The following TERT variants were observed in gnomAD, a reference collection of about 807,000 sequenced individuals.
TERT encodes the protein telomerase catalytic subunit.
Under a neutral mutation model 104.0 loss-of-function variants are expected in TERT, and 42 were observed. The observed-to-expected ratio is 0.40, with a 90% confidence interval of 0.32 to 0.52. The LOEUF is 0.52. TERT is among the 20% of genes least tolerant of loss of function. TERT has a pLI of 0.43. For missense variants in TERT, 1,101 were observed against 1,610.3 expected (o/e 0.68, Z 5.41); for synonymous variants, 781 against 725.6 (o/e 1.08, Z -1.23).
chr5:1,259,250 G>A (rs1165427803), intron 12 of TERT, among the ~76,000 whole-genome samples: 1 of 139,334 alleles, frequency 7.2e-6, no homozygotes, highest in East Asian at 2.4e-4. Context: ...AGATGGAGTG[G>A]ATGCAGATGC....
chr5:1,253,574 C>G lies in TERT; in HGVS notation c.*154G>C, dbSNP rs142869901. 1.9e-5 allele frequency: 13 copies of G among 678,806 alleles called. No homozygotes were observed. The highest frequency in any genetic ancestry group is 3.1e-5 in the Non-Finnish European group (12 of 385,368). 42.0% of individuals were successfully genotyped at this position (678,806 alleles called of 1,614,324 possible). On this transcript the variant is annotated 3_prime_UTR_variant, in exon 16 of 16. Coordinates refer to ENST00000310581, the MANE Select transcript of TERT (RefSeq NM_198253.3). ...CTCAGCCGGACACTCAGCCTTCAGC[C>G]GGACATGCAGGCCTCGGCCAAACAC...
At position 1,268,781 on chromosome 5, in the gene TERT, A is replaced by G. The variant is rs1204053237; in HGVS notation, c.2469-148T>C. 1 of 619,468 alleles carries G rather than the reference A, an allele frequency of 1.6e-6. No homozygotes were observed. The highest frequency in any genetic ancestry group is 2.9e-6 in the Non-Finnish European group (1 of 340,082). The allele number at this position is 619,468 out of a possible 1,614,324, so 38.4% of individuals were successfully genotyped here. On this transcript the variant is annotated intron_variant, in intron 8 of 15. Transcript: ENST00000310581. This position sits in a 1 kb window ranked among gnomAD's most constrained non-coding sequence, Gnocchi z 5.5. ...GGCAAACACCTCAGAAACATACCAGATGAGACCTCTGAACAAACAATCCCT... is the reference window on the plus strand; with the variant it reads ...GGCAAACACCTCAGAAACATACCAGGTGAGACCTCTGAACAAACAATCCCT...
chr5:1,293,264 C>T (rs376586535), intron 2 of TERT, 49 bp downstream of exon 2: 44 of 1,606,422 alleles, frequency 2.7e-5, no homozygotes, highest in Non-Finnish European at 3.4e-6. Context: ...TGAGCCCCTA[C>T]TGCATTCAGC....
At chr5:1,264,814 C>G (rs1050483923) in intron 10 of TERT, among the ~76,000 whole-genome samples, 1 of 152,118 alleles carries the variant, frequency 6.6e-6, no homozygotes, top group Non-Finnish European at 1.5e-5. Flanking sequence ...CATGCAAGAA[C>G]CTGGCCTGGA....
chr5:1,260,352 G>A, intron 12 of TERT, 122 bp downstream of exon 12: 1 of 1,473,418 alleles, frequency 6.8e-7, no homozygotes, highest in Middle Eastern at 1.7e-4. Flanking sequence ...ATGCGTACAT[G>A]TGCACTCTTA....
rs1748833064 is a variant in TERT at position 1,269,021 on chromosome 5, C to A, written c.2469-388G>T. Among the ~76,000 whole-genome samples the A allele has an allele frequency of 6.6e-6, 1 of 151,882 alleles. No individual in the cohort carries two copies. The highest frequency in any genetic ancestry group is 6.6e-5 in the Admixed American group (1 of 15,260). ...TTGTCCACGGTGAAAGACTCATGAC[C>A]CTACATGTAGCCGCTGCGCGCCAAC... On this transcript the variant is annotated intron_variant, in intron 8 of 15. Coordinates refer to ENST00000310581, the MANE Select transcript of TERT (RefSeq NM_198253.3). The surrounding 1 kb of genome is among the most constrained non-coding windows in gnomAD (Gnocchi z 9.0).
chr5:1,277,904 G>A (rs896843312), intron 6 of TERT, among the ~76,000 whole-genome samples: 4 of 151,604 alleles, frequency 2.6e-5, no homozygotes, highest in East Asian at 3.8e-4. Flanking sequence ...CCCCTCCAGC[G>A]TGCTCATGAC....
intron 11 of TERT, among the ~76,000 whole-genome samples, chr5:1,260,903 A>C (rs919587171): frequency 1.3e-5 from 2 of 152,240 alleles, no homozygotes; most frequent in Non-Finnish European, 2.9e-5. Context: ...AACTCAGCCA[A>C]AAACACATAA....
chr5:1,268,603 C>T lies in TERT; in HGVS notation c.2499G>A (p.Gln833=). 6.2e-7 allele frequency: 1 copy of T among 1,613,158 alleles called. No homozygotes were observed. The highest frequency in any genetic ancestry group is 8.5e-7 in the Non-Finnish European group (1 of 1,179,894). Residue 833 remains glutamine, a synonymous_variant, in exon 9 of 16, where the codon CAG becomes CAA. Coordinates refer to ENST00000310581, the MANE Select transcript of TERT (RefSeq NM_198253.3). The surrounding 1 kb of genome is among the most constrained non-coding windows in gnomAD (Gnocchi z 5.5). ...KSYVQCQGIP[Q]GSILSTLLCS... ...AGAGCAGCGTGGAGAGGATGGAGCC[C>T]TGCGGGATCCCCTGGCACTGGACGT...
chr5:1,258,481 G>GT (rs1487113478), intron 13 of TERT, 117 bp downstream of exon 13: 2 of 919,154 alleles, frequency 2.2e-6, no homozygotes, highest in Admixed American at 2.0e-5. Context: ...CACTGAAAAC[G>GT]TAAGACATTC....
Position 1,270,274 on chromosome 5 carries a change from A to G in TERT, c.2468+845T>C, listed in dbSNP as rs35657226. On this transcript the variant is annotated intron_variant, in intron 8 of 15. Transcript: ENST00000310581. The surrounding 1 kb of genome is among the most constrained non-coding windows in gnomAD (Gnocchi z 8.3). ...CAATAATTAATAGTTATATTTTTAA[A>G]TAAAAGCTTCCGAAGCTGTGCACAG... Among the ~76,000 whole-genome samples the G allele has an allele frequency of 3.7e-3, 564 of 152,354 alleles. 3 individuals carry two copies. The highest frequency in any genetic ancestry group is 0.013 in the African/African-American group (540 of 41,582).
chr5:1,290,235 A>G (rs186321255), intron 2 of TERT, among the ~76,000 whole-genome samples: 3,978 of 24,472 alleles, frequency 0.16, 337 homozygotes, highest in Admixed American at 0.23. Context: ...CACTCACCCT[A>G]CACGTGACAG....
chr5:1,291,360 C>A (rs1286457393), intron 2 of TERT, among the ~76,000 whole-genome samples: 2 of 100,394 alleles, frequency 2.0e-5, no homozygotes, highest in Non-Finnish European at 4.0e-5. Context: ...CCGCGCCTCA[C>A]TCACCCTGCA....
intron 12 of TERT, 31 bp downstream of exon 12, chr5:1,260,443 T>C: frequency 6.2e-7 from 1 of 1,613,446 alleles, no homozygotes; most frequent in East Asian, 2.2e-5. Flanking sequence ...TCCTGAACTC[T>C]GAACTCTGTG....
chr5:1,285,259 G>A (rs1366600245), intron 2 of TERT, among the ~76,000 whole-genome samples: 8 of 141,464 alleles, frequency 5.7e-5, no homozygotes, highest in East Asian at 2.2e-4. Context: ...CATCCCAGAC[G>A]TGCACCATCC....
Position 1,265,990 on chromosome 5 carries a change from G to C in TERT, c.2654+474C>G, listed in dbSNP as rs1209779974. Among the ~76,000 whole-genome samples, 2 of 152,164 alleles carry C rather than the reference G, an allele frequency of 1.3e-5. No individual in the cohort carries two copies. Among genetic ancestry groups the C allele is most frequent in the Non-Finnish European group, 2.9e-5 (2 of 68,014 alleles). On this transcript the variant is annotated intron_variant, in intron 10 of 15. Coordinates refer to ENST00000310581, the MANE Select transcript of TERT (RefSeq NM_198253.3). This position sits in a 1 kb window ranked among gnomAD's most constrained non-coding sequence, Gnocchi z 6.9. ...CTCAGCAAATCCAAATTCTCCCACC[G>C]ATCCCAAACAACCCCACGCAGGAAC... is the stretch of plus-strand genomic sequence containing the variant.
At chr5:1,271,001 A>C in intron 8 of TERT, 118 bp downstream of exon 8, 1 of 807,484 alleles carries the variant, frequency 1.2e-6, no homozygotes. Context: ...CCAGAAAAGG[A>C]GACTCTGGTG....
intron 6 of TERT, among the ~76,000 whole-genome samples, chr5:1,275,289 G>C (rs1749475306): frequency 6.6e-6 from 1 of 151,502 alleles, no homozygotes. Flanking sequence ...CAAGAGAATT[G>C]CTTGAACTCA....
At chr5:1,282,093 A>AC (rs1750060566) in intron 3 of TERT, among the ~76,000 whole-genome samples, 1 of 149,686 alleles carries the variant, frequency 6.7e-6, no homozygotes, top group African/African-American at 2.6e-5. Context: ...ATCTCAAAAA[A>AC]GAAAAAAAAA....
Sources: gnomAD v4.1 joint callset for allele counts (sites outside exome capture counted in the v4.1 genomes callset) on GRCh38, gnomAD v4.1.1 for gene constraint, Gnocchi (gnomAD v3.1) non-coding constraint, MANE v1.5 for transcripts, NCBI Gene and HGNC (gene_info 2026-07-23, HGNC 2026-07-21) for gene names.